The following DYNC2H1 variants were observed in gnomAD, a reference collection of about 807,000 sequenced individuals.
The protein encoded by DYNC2H1 is dynein cytoplasmic 2 heavy chain 1.
A neutral mutation model predicts 570.0 loss-of-function variants in DYNC2H1; 410 were observed. That is an observed-to-expected ratio of 0.72 (90% confidence interval 0.66 to 0.78). The LOEUF (loss-of-function observed/expected upper bound fraction) is 0.78, where lower values mean the gene tolerates loss of function less well. DYNC2H1 is among the 30% of genes least tolerant of loss of function. DYNC2H1 has a pLI of 0.00. For missense variants in DYNC2H1, 4,865 were observed against 5,046.4 expected, an observed-to-expected ratio of 0.96 and a Z score of 1.09; for synonymous variants, 1,688 against 1,677.6, an observed-to-expected ratio of 1.01 and a Z score of -0.15.
intron 6 of DYNC2H1, among the ~76,000 whole-genome samples, 170 bp downstream of exon 6, chr11:103,118,033 T>C (rs1341862453): frequency 6.6e-6 from 1 of 152,180 alleles, no homozygotes; most frequent in Non-Finnish European, 1.5e-5. Flanking sequence ...TTTCTTTTTA[T>C]TTTGTGTGAG....
intron 87 of DYNC2H1, among the ~76,000 whole-genome samples, chr11:103,462,039 T>G (rs1285416416): frequency 6.6e-6 from 1 of 152,178 alleles, no homozygotes; most frequent in Admixed American, 6.5e-5. Flanking sequence ...TCAAAAGAAC[T>G]CTTTCCAGTG....
At chr11:103,422,977 A>AT (rs34754148) in intron 84 of DYNC2H1, among the ~76,000 whole-genome samples, 84,310 of 151,812 alleles carry the variant, frequency 0.56, 24,061 homozygotes, top group East Asian at 0.72. Flanking sequence ...CCTCTGCAGG[A>AT]TTTTTTTGTA....
chr11:103,427,102 T>G (rs190182004), intron 84 of DYNC2H1, among the ~76,000 whole-genome samples: 1 of 152,204 alleles, frequency 6.6e-6, no homozygotes, highest in African/African-American at 2.4e-5. Context: ...TTGATGTATG[T>G]TTGGTTAAAA....
At chr11:103,391,368 C>G (rs1351575957) in intron 83 of DYNC2H1, among the ~76,000 whole-genome samples, 1 of 152,180 alleles carries the variant, frequency 6.6e-6, no homozygotes, top group Non-Finnish European at 1.5e-5. Context: ...AAGGACTTCT[C>G]TACACTGGTT....
rs981640695 is a variant in DYNC2H1 at position 103,196,634 on chromosome 11, A to C, written c.7709-1299A>C. Among the ~76,000 whole-genome samples the C allele has an allele frequency of 3.9e-5, 6 of 152,276 alleles. No individual in the cohort carries two copies. In the East Asian group the frequency reaches 1.2e-3, roughly 29 times the overall value. ...TCGGGGAGAATTTTAGAATTAAAAG[A>C]CTAGAAGGCTGAAATTGGACCCCAG... is the stretch of plus-strand genomic sequence containing the variant. On this transcript the variant is annotated intron_variant, in intron 47 of 88. Coordinates refer to ENST00000375735, the MANE Select transcript of DYNC2H1 (RefSeq NM_001377.3).
At chr11:103,400,425 T>C (rs187857411) in intron 84 of DYNC2H1, among the ~76,000 whole-genome samples, 11 of 152,284 alleles carry the variant, frequency 7.2e-5, no homozygotes, top group Admixed American at 1.3e-4. Context: ...GAAATGATGA[T>C]TACCAGTGAA....
rs1862082893 is a variant in DYNC2H1, at chr11:103,186,672, C to T, written c.6893+171C>T. On this transcript the variant is annotated intron_variant, in intron 42 of 88. Transcript: ENST00000375735. This position sits in a 1 kb window ranked among gnomAD's most constrained non-coding sequence, Gnocchi z 4.5. The stretch of plus-strand genomic sequence containing the variant: ...ATAAGAACTATGGGGAATAGTGTGT[C>T]CTTTTCTTTTCCAGGTTGTGTGATT... 6.6e-6 allele frequency among the ~76,000 whole-genome samples: 1 copy of T among 150,972 alleles called. No individual in the cohort carries two copies.
intron 28 of DYNC2H1, among the ~76,000 whole-genome samples, chr11:103,159,394 G>C (rs989301355): frequency 2.6e-5 from 4 of 152,164 alleles, no homozygotes; most frequent in Non-Finnish European, 5.9e-5. Flanking sequence ...AAGGCCTGTA[G>C]TGAAGGAGAA....
chr11:103,381,473 G>T (rs1454627407), intron 83 of DYNC2H1, among the ~76,000 whole-genome samples: 3 of 151,850 alleles, frequency 2.0e-5, no homozygotes, highest in African/African-American at 4.8e-5. Context: ...TATTTGAGAT[G>T]GAGTCTCGCT....
intron 83 of DYNC2H1, among the ~76,000 whole-genome samples, chr11:103,389,010 G>C (rs1042244474): frequency 6.6e-6 from 1 of 152,166 alleles, no homozygotes. Flanking sequence ...GATGATGCTG[G>C]CCTCTTAAAA....
At position 103,181,544 on chromosome 11, in the gene DYNC2H1, ATG is replaced by A. The variant is rs140196073; in HGVS notation, c.6348-207_6348-206del. On this transcript the variant is annotated intron_variant, in intron 39 of 88. Transcript: ENST00000375735. This position sits in a 1 kb window ranked among gnomAD's most constrained non-coding sequence, Gnocchi z 5.0. ...TATATATGTATATATACCTATATGC[ATG>A]TGTGTTTGTATATATTATGTGTATG... Among the ~76,000 whole-genome samples, 1,411 of 151,794 alleles carry A rather than the reference ATG, an allele frequency of 9.3e-3. 17 individuals are homozygous for A. The highest frequency in any genetic ancestry group is 0.032 in the African/African-American group (1,336 of 41,494).
intron 83 of DYNC2H1, among the ~76,000 whole-genome samples, chr11:103,370,398 AC>A (rs1941097901): frequency 6.6e-6 from 1 of 152,060 alleles, no homozygotes; most frequent in Non-Finnish European, 1.5e-5. Flanking sequence ...GGGGAAGCTC[AC>A]CAACCTGAAG....
chr11:103,269,388 A>G (rs1865616774), intron 70 of DYNC2H1, among the ~76,000 whole-genome samples: 1 of 152,192 alleles, frequency 6.6e-6, no homozygotes, highest in Non-Finnish European at 1.5e-5. Flanking sequence ...ATTTAATGAA[A>G]GCTTTTAGGG....
chr11:103,161,297 T>G (rs1354747544), intron 29 of DYNC2H1, among the ~76,000 whole-genome samples: 1 of 152,170 alleles, frequency 6.6e-6, no homozygotes, highest in Non-Finnish European at 1.5e-5. Context: ...TAAAAAATCT[T>G]AGATATTAAT....
intron 81 of DYNC2H1, among the ~76,000 whole-genome samples, chr11:103,323,127 C>T (rs1244966368): frequency 2.0e-5 from 3 of 152,180 alleles, no homozygotes; most frequent in Non-Finnish European, 4.4e-5. Context: ...TTTAGATGCA[C>T]GTGCAGTACT....
chr11:103,286,384 CA>C lies in DYNC2H1; in HGVS notation c.11021del (p.Gln3674ArgfsTer4). 1 of 1,610,066 alleles carries C rather than the reference CA, an allele frequency of 6.2e-7. No individual in the cohort carries two copies. The highest frequency in any genetic ancestry group is 8.5e-7 in the Non-Finnish European group (1 of 1,178,956). On this transcript the variant is annotated frameshift_variant and splice_region_variant, in exon 74 of 89. Transcript: ENST00000375735. LOFTEE classifies it high-confidence loss of function. The part of the protein sequence containing the change: ...ILAKKVSLFQ[Q>X]ILVVQALRPD... Reference sequence around the variant, plus strand: ...TGCAAAGAAAGTTTCCTTATTTCAGCAGGTAAAATTTAGTGTTATCTAAATG... The same window carrying C: ...TGCAAAGAAAGTTTCCTTATTTCAGCGGTAAAATTTAGTGTTATCTAAATG...
chr11:103,259,827 T>C, intron 69 of DYNC2H1, 61 bp from the exon 70 acceptor site: 1 of 1,168,920 alleles, frequency 8.6e-7, no homozygotes, highest in Non-Finnish European at 1.2e-6. Flanking sequence ...AGGAACAATT[T>C]ATAGGCGTAC....
intron 82 of DYNC2H1, among the ~76,000 whole-genome samples, chr11:103,336,304 C>T (rs934572260): frequency 1.3e-5 from 2 of 152,142 alleles, no homozygotes; most frequent in South Asian, 2.1e-4. Context: ...CATTCCAAAT[C>T]TACTTCTCTA....
Position 103,155,439 on chromosome 11 carries a change from C to A in DYNC2H1, c.3682C>A (p.Leu1228Ile), listed in dbSNP as rs189806840. The A allele has an allele frequency of 2.3e-3, 3,672 of 1,612,340 alleles. 6 individuals are homozygous for A. Among genetic ancestry groups the A allele is most frequent in the Admixed American group, 3.8e-3 (230 of 59,862 alleles). ...GLPRGTSLEKLLFGDLLRVAD... is the reference protein window; with the variant it reads ...GLPRGTSLEKILFGDLLRVAD... ...TCCTAGGGGGACTAGTCTAGAGAAA[C>A]TACTGTTTGGTGATTTGCTCAGAGT... The change falls in exon 25 of 89, where the codon CTA becomes ATA. Residue 1228 changes from leucine (L) to isoleucine (I), a missense_variant. Physicochemically the swap from Leu to Ile is conservative, Grantham distance 5. This residue lies in a region of DYNC2H1 where 1,936 missense variants were observed against 1,962.1 expected (regional missense o/e 0.99). Coordinates refer to ENST00000375735, the MANE Select transcript of DYNC2H1 (RefSeq NM_001377.3).
Sources: allele counts gnomAD v4.1 joint callset (sites outside exome capture counted in the v4.1 genomes callset), GRCh38; gene constraint gnomAD v4.1.1; regional missense constraint gnomAD v4.1.1; non-coding constraint Gnocchi (gnomAD v3.1); transcripts MANE v1.5; gene names NCBI Gene and HGNC (gene_info 2026-07-23, HGNC 2026-07-21).